Variants in NOL4 observed in about 807,000 individuals in gnomAD.
NOL4 encodes cancer/testis antigen 125.
A neutral mutation model predicts 75.9 loss-of-function variants in NOL4; 17 were observed. The ratio of observed to expected loss-of-function variants is 0.22; its 90% confidence interval spans 0.15 to 0.34. The LOEUF (loss-of-function observed/expected upper bound fraction) is 0.34. Among genes scored for constraint, NOL4 ranks in the 10% least tolerant of loss-of-function variants. NOL4 has a pLI of 1.00. For synonymous variants in NOL4, 292 were observed against 289.9 expected, an observed-to-expected ratio of 1.01 and a Z score of -0.07; for missense variants, 614 against 793.5, an observed-to-expected ratio of 0.77 and a Z score of 2.72.
chr18:34,024,188 A>ATAT (rs1333196318), intron 5 of NOL4, among the ~76,000 whole-genome samples: 16 of 64,610 alleles, frequency 2.5e-4, no homozygotes, highest in Non-Finnish European at 5.0e-4. Flanking sequence ...CAGGAAAAAA[A>ATAT]AAAAAAATAT....
intron 9 of NOL4, among the ~76,000 whole-genome samples, chr18:33,896,894 C>CA (rs1281763947): frequency 6.6e-5 from 10 of 151,950 alleles, no homozygotes; most frequent in Admixed American, 2.0e-4. Context: ...TAATATCCAG[C>CA]ATCTATAAGG....
chr18:34,204,169 A>T (rs2035957854), intron 1 of NOL4, among the ~76,000 whole-genome samples: 1 of 152,104 alleles, frequency 6.6e-6, no homozygotes, highest in African/African-American at 2.4e-5. Flanking sequence ...CTGCAATAAC[A>T]TACATGCTAT....
At chr18:34,145,558 C>A (rs2081362778) in intron 1 of NOL4, among the ~76,000 whole-genome samples, 1 of 151,666 alleles carries the variant, frequency 6.6e-6, no homozygotes, top group Non-Finnish European at 1.5e-5. Context: ...CTAATTTTCA[C>A]AAATAGTATG....
intron 8 of NOL4, among the ~76,000 whole-genome samples, chr18:33,954,486 T>C (rs1413125836): frequency 6.6e-6 from 1 of 151,962 alleles, no homozygotes. Flanking sequence ...AAAGATGAAC[T>C]CAGATTGTAG....
At chr18:33,976,380 A>C (rs1304588313) in intron 6 of NOL4, among the ~76,000 whole-genome samples, 1 of 121,850 alleles carries the variant, frequency 8.2e-6, no homozygotes, top group East Asian at 1.9e-4. Context: ...ATTTCTTGAG[A>C]GAGTTTACAT....
intron 10 of NOL4, among the ~76,000 whole-genome samples, chr18:33,855,659 A>T (rs1405770689): frequency 3.3e-5 from 5 of 152,210 alleles, no homozygotes; most frequent in South Asian, 2.1e-4. Context: ...TGAAAATATA[A>T]GAGACAAAAG....
chr18:34,223,114 G>A lies in NOL4; in HGVS notation c.140C>T (p.Ser47Phe). ...GAATTTAAATTTGGCGTTGTCCGTG[G>A]AGCTCGACTCGGAGCCATTGAGGAG... ...VQLLNGSESSSTDNAKFKFWV... is the reference protein window; with the variant it reads ...VQLLNGSESSFTDNAKFKFWV... Residue 47 changes from serine to phenylalanine, a missense_variant, in exon 1 of 11, where the codon TCC becomes TTC. This residue lies in a region of NOL4 where 35 missense variants were observed against 29.2 expected (regional missense o/e 1.20). Coordinates refer to ENST00000261592, the MANE Select transcript of NOL4 (RefSeq NM_003787.5). 1 of 1,614,164 alleles carries A rather than the reference G, an allele frequency of 6.2e-7. No homozygotes were observed. The highest frequency in any genetic ancestry group is 2.2e-5 in the East Asian group (1 of 44,852).
At chr18:33,904,277 A>AC (rs1380207508) in intron 9 of NOL4, among the ~76,000 whole-genome samples, 1 of 152,054 alleles carries the variant, frequency 6.6e-6, no homozygotes, top group Non-Finnish European at 1.5e-5. Context: ...TATGGAAAAA[A>AC]ATAAAAGCTT....
intron 5 of NOL4, among the ~76,000 whole-genome samples, chr18:34,082,854 CAT>C (rs1035760520): frequency 6.6e-5 from 10 of 152,138 alleles, no homozygotes; most frequent in Non-Finnish European, 5.9e-5. Context: ...ACAATAATGA[CAT>C]GTTAGTGAAT....
intron 1 of NOL4, among the ~76,000 whole-genome samples, chr18:34,154,640 G>A (rs992045257): frequency 4.0e-5 from 6 of 151,406 alleles, no homozygotes; most frequent in Non-Finnish European, 8.9e-5. Flanking sequence ...CTGCTATAAC[G>A]GTTTCATTCG....
intron 5 of NOL4, 79 bp downstream of exon 5, chr18:34,093,386 G>T: frequency 7.5e-7 from 1 of 1,342,204 alleles, no homozygotes. Flanking sequence ...CAAGAATTAA[G>T]AGGTAGTTGT....
chr18:33,911,348 TTTTCTC>T (rs1250269025), intron 9 of NOL4, among the ~76,000 whole-genome samples: 3 of 152,092 alleles, frequency 2.0e-5, no homozygotes, highest in Non-Finnish European at 2.9e-5. Context: ...TCCCTCTGCT[TTTTCTC>T]TTTCTCTAAC....
At chr18:34,138,350 C>T (rs1027873962) in intron 1 of NOL4, among the ~76,000 whole-genome samples, 2 of 152,016 alleles carry the variant, frequency 1.3e-5, no homozygotes, top group African/African-American at 2.4e-5. Context: ...TGCAGTGAGT[C>T]GTGATTGTGT....
intron 8 of NOL4, among the ~76,000 whole-genome samples, chr18:33,945,061 A>G (rs1046429411): frequency 6.6e-5 from 10 of 151,922 alleles, no homozygotes; most frequent in Non-Finnish European, 1.0e-4. Context: ...AAAACAAATT[A>G]TTTGATTGTA....
chr18:34,193,199 G>A (rs1031574535), intron 1 of NOL4, among the ~76,000 whole-genome samples: 7 of 151,326 alleles, frequency 4.6e-5, no homozygotes, highest in Non-Finnish European at 1.0e-4. Flanking sequence ...ACATTAGTCT[G>A]GACAATGATT....
intron 1 of NOL4, among the ~76,000 whole-genome samples, chr18:34,217,410 G>A (rs1221641098): frequency 2.6e-5 from 4 of 151,602 alleles, no homozygotes; most frequent in Admixed American, 6.6e-5. Flanking sequence ...TCAGCCTCCC[G>A]AGTAGCTGGG....
At chr18:33,922,703 C>T (rs1350542003) in intron 9 of NOL4, among the ~76,000 whole-genome samples, 1 of 152,096 alleles carries the variant, frequency 6.6e-6, no homozygotes, top group Admixed American at 6.6e-5. Context: ...TTTTGTGCTA[C>T]TGAAACTAAT....
intron 2 of NOL4, among the ~76,000 whole-genome samples, chr18:34,115,646 A>G (rs768626838): frequency 6.6e-6 from 1 of 152,082 alleles, no homozygotes; most frequent in Non-Finnish European, 1.5e-5. Flanking sequence ...TTTACGCCCT[A>G]TGTAGATGAA....
intron 2 of NOL4, among the ~76,000 whole-genome samples, chr18:34,115,304 T>C (rs2079800881): frequency 6.6e-6 from 1 of 152,074 alleles, no homozygotes; most frequent in Non-Finnish European, 1.5e-5. Flanking sequence ...AGAACTACCT[T>C]GGGCCAGTCA....
Sources: gnomAD v4.1 joint callset for allele counts (sites outside exome capture counted in the v4.1 genomes callset) on GRCh38, gnomAD v4.1.1 for gene constraint, gnomAD v4.1.1 regional missense constraint, MANE v1.5 for transcripts, NCBI Gene and HGNC (gene_info 2026-07-23, HGNC 2026-07-21) for gene names.